Variants in NCAM2 observed in about 807,000 individuals in gnomAD.
The protein encoded by NCAM2 is neural cell adhesion molecule 2, also known as N-CAM-2.
A neutral mutation model predicts 98.1 loss-of-function variants in NCAM2; 30 were observed. The observed-to-expected ratio is 0.31, with a 90% confidence interval of 0.23 to 0.41. The LOEUF is 0.41. NCAM2 is among the 10% of genes least tolerant of loss of function. NCAM2 has a pLI of 1.00. For missense variants in NCAM2, 867 were observed against 1,005.8 expected, an observed-to-expected ratio of 0.86 and a Z score of 1.87; for synonymous variants, 368 against 342.4, an observed-to-expected ratio of 1.07 and a Z score of -0.83.
chr21:21,430,756 A>G (rs2077317584), intron 11 of NCAM2, among the ~76,000 whole-genome samples: 1 of 152,076 alleles, frequency 6.6e-6, no homozygotes. Flanking sequence ...GGAATTAAAA[A>G]TCAAGGTGAG....
chr21:21,473,740 C>A (rs1361852696), intron 14 of NCAM2, among the ~76,000 whole-genome samples: 1 of 151,818 alleles, frequency 6.6e-6, no homozygotes, highest in Non-Finnish European at 1.5e-5. Context: ...ATAAAAGTAT[C>A]AAGCAGCCCC....
chr21:21,133,324 ACT>A (rs1175989028), intron 1 of NCAM2, among the ~76,000 whole-genome samples: 1 of 152,048 alleles, frequency 6.6e-6, no homozygotes, highest in Non-Finnish European at 1.5e-5. Flanking sequence ...TTACACTAAC[ACT>A]CGGAAGTAGC....
intron 1 of NCAM2, among the ~76,000 whole-genome samples, chr21:21,169,120 C>T (rs2068042438): frequency 6.6e-6 from 1 of 151,948 alleles, no homozygotes; most frequent in South Asian, 2.1e-4. Context: ...GTAGAGATTC[C>T]AGAAGTAGAC....
intron 1 of NCAM2, among the ~76,000 whole-genome samples, chr21:21,260,639 TC>T (rs2071862406): frequency 6.6e-6 from 1 of 151,906 alleles, no homozygotes; most frequent in African/African-American, 2.4e-5. Context: ...ATAAAGTCTT[TC>T]CCAGACAAGC....
In NCAM2 at chr21:21,117,562, A is replaced by G. The variant is rs117635752; in HGVS notation, c.55+118944A>G. On this transcript the variant is annotated intron_variant, in intron 1 of 17. Transcript: ENST00000400546. The stretch of plus-strand genomic sequence containing the variant: ...GATAATGCAATGAAATGTAACAGCA[A>G]TAAAAAAGTAGGAAATACTACAATT... 8.0e-3 allele frequency among the ~76,000 whole-genome samples: 1,224 copies of G among 152,342 alleles called. 5 individuals carry two copies. Among genetic ancestry groups the G allele is most frequent in the Non-Finnish European group, 0.014 (965 of 68,018 alleles).
In NCAM2 at chr21:21,101,860, AC is replaced by A. The variant is rs540149305; in HGVS notation, c.55+103243del. ...TCATCTGTTGATTTTATAAAAGACT[AC>A]TACTTGAAAATCATAGCTTTGACAA... On this transcript the variant is annotated intron_variant, in intron 1 of 17. Coordinates refer to ENST00000400546, the MANE Select transcript of NCAM2 (RefSeq NM_004540.5). Among the ~76,000 whole-genome samples the A allele has an allele frequency of 1.1e-3, 163 of 152,096 alleles. 1 individual carries two copies. Among genetic ancestry groups the A allele is most frequent in the Non-Finnish European group, 1.7e-3 (114 of 67,980 alleles).
At chr21:21,379,983 G>C (rs1292343780) in intron 9 of NCAM2, among the ~76,000 whole-genome samples, 1 of 152,040 alleles carries the variant, frequency 6.6e-6, no homozygotes, top group African/African-American at 2.4e-5. Context: ...AAAGATGTAG[G>C]CTGGGCGGCT....
chr21:21,422,839 A>G (rs898030574), intron 11 of NCAM2, among the ~76,000 whole-genome samples: 6 of 152,178 alleles, frequency 3.9e-5, no homozygotes, highest in Non-Finnish European at 8.8e-5. Flanking sequence ...ATTGAAGTAC[A>G]TATCTTGAAT....
chr21:21,433,251 T>C (rs576460235), intron 12 of NCAM2, among the ~76,000 whole-genome samples: 1 of 152,296 alleles, frequency 6.6e-6, no homozygotes, highest in East Asian at 1.9e-4. Context: ...GATGAGCTCA[T>C]ATTATTTATT....
intron 1 of NCAM2, among the ~76,000 whole-genome samples, chr21:21,120,054 C>T (rs575101673): frequency 6.6e-6 from 1 of 152,274 alleles, no homozygotes; most frequent in African/African-American, 2.4e-5. Flanking sequence ...TAAAGCTCCA[C>T]CATTGTTTGA....
chr21:21,349,027 C>T (rs1411557971), intron 8 of NCAM2, among the ~76,000 whole-genome samples: 3 of 152,004 alleles, frequency 2.0e-5, no homozygotes, highest in Admixed American at 2.0e-4. Context: ...TTGACCTGGG[C>T]ATAATTTTTT....
chr21:21,530,322 A>T (rs921850812), intron 16 of NCAM2, among the ~76,000 whole-genome samples: 3 of 24,206 alleles, frequency 1.2e-4, no homozygotes, highest in South Asian at 6.7e-4. Flanking sequence ...ATATAATTAA[A>T]TTAAATTAAA....
chr21:21,469,003 A>G (rs1343453326), intron 14 of NCAM2, among the ~76,000 whole-genome samples: 2 of 151,868 alleles, frequency 1.3e-5, no homozygotes, highest in African/African-American at 2.4e-5. Context: ...TTTTCATCTT[A>G]TGATTTTTAG....
chr21:21,027,376 G>A (rs928655937), intron 1 of NCAM2, among the ~76,000 whole-genome samples: 1 of 152,124 alleles, frequency 6.6e-6, no homozygotes, highest in Non-Finnish European at 1.5e-5. Context: ...GGTTCATAGA[G>A]ATGAATAAAA....
chr21:21,517,599 C>T (rs538834967), intron 16 of NCAM2, among the ~76,000 whole-genome samples: 4 of 152,142 alleles, frequency 2.6e-5, no homozygotes, highest in East Asian at 3.9e-4. Flanking sequence ...GGCTCACCCC[C>T]GTAATCCCAG....
chr21:21,035,633 T>A (rs997653982), intron 1 of NCAM2, among the ~76,000 whole-genome samples: 5 of 152,166 alleles, frequency 3.3e-5, no homozygotes, highest in African/African-American at 4.8e-5. Flanking sequence ...CAGTTTTTTT[T>A]CCATTGAATT....
At chr21:21,142,932 G>C (rs2067199922) in intron 1 of NCAM2, among the ~76,000 whole-genome samples, 1 of 152,102 alleles carries the variant, frequency 6.6e-6, no homozygotes, top group Admixed American at 6.6e-5. Context: ...AGCAATTTTG[G>C]TTGTTATTAG....
chr21:21,420,927 T>C (rs1392033795), intron 11 of NCAM2, among the ~76,000 whole-genome samples: 3 of 151,902 alleles, frequency 2.0e-5, no homozygotes, highest in Non-Finnish European at 1.5e-5. Flanking sequence ...ACTGTACTAA[T>C]AAGAAACATT....
chr21:21,085,700 T>C (rs2065893374), intron 1 of NCAM2, among the ~76,000 whole-genome samples: 1 of 152,176 alleles, frequency 6.6e-6, no homozygotes, highest in African/African-American at 2.4e-5. Flanking sequence ...TTAAAGACTC[T>C]TCCAACAATG....
Sources: allele counts gnomAD v4.1 joint callset (sites outside exome capture counted in the v4.1 genomes callset), GRCh38; gene constraint gnomAD v4.1.1; transcripts MANE v1.5; gene names NCBI Gene and HGNC (gene_info 2026-07-23, HGNC 2026-07-21).